NRXN3: variants seen among roughly 807,000 people sequenced by gnomAD.
NRXN3 encodes neurexin 3, also known as neurexin III.
Under a neutral mutation model 137.6 loss-of-function variants are expected in NRXN3, and 32 were observed. The ratio of observed to expected loss-of-function variants is 0.23; its 90% CI spans 0.18 to 0.31. The LOEUF is 0.31. NRXN3 is among the 10% of genes least tolerant of loss of function. The pLI, the probability that NRXN3 is intolerant of heterozygous loss-of-function variation, is 1.00. For missense variants in NRXN3, 1,574 were observed against 2,062.5 expected (o/e 0.76, Z 4.59); for synonymous variants, 798 against 784.5 (o/e 1.02, Z -0.29).
At chr14:79,207,997 A>G (rs2067049204) in intron 15 of NRXN3, among the ~76,000 whole-genome samples, 1 of 152,190 alleles carries the variant, frequency 6.6e-6, no homozygotes, top group Non-Finnish European at 1.5e-5. Context: ...CAGATGAGGA[A>G]ACTAAGAAGT....
chr14:79,375,119 T>C (rs1489559785), intron 15 of NRXN3, among the ~76,000 whole-genome samples: 1 of 152,114 alleles, frequency 6.6e-6, no homozygotes, highest in Non-Finnish European at 1.5e-5. Context: ...GGTCCAGAGA[T>C]TTAAATTACT....
rs559752892 is a variant in NRXN3 at position 79,323,228 on chromosome 14, A to G, written c.3263-143993A>G. On this transcript the variant is annotated intron_variant, in intron 15 of 20. Coordinates refer to ENST00000335750, the MANE Select transcript of NRXN3 (RefSeq NM_001330195.2). ...TTTTTATATATTTATTTTTAGTAGCAACAAGCTCTCACTATGTTGCCCAGG... is the reference window on the plus strand; with the variant it reads ...TTTTTATATATTTATTTTTAGTAGCGACAAGCTCTCACTATGTTGCCCAGG... Among the ~76,000 whole-genome samples the G allele has an allele frequency of 2.0e-5, 3 of 152,164 alleles. No individual in the cohort carries two copies. The South Asian group carries it at 6.2e-4, about 32-fold the overall frequency.
chr14:78,497,879 A>G (rs1348409848), intron 4 of NRXN3, among the ~76,000 whole-genome samples: 3 of 152,194 alleles, frequency 2.0e-5, no homozygotes, highest in Non-Finnish European at 4.4e-5. Flanking sequence ...AAGAGTTGTT[A>G]TAAGGATCAC....
Position 79,287,915 on chromosome 14 carries a change from A to T in NRXN3, c.3263-179306A>T, listed in dbSNP as rs180833119. Among the ~76,000 whole-genome samples the T allele has an allele frequency of 1.5e-3, 228 of 152,270 alleles. 2 individuals are homozygous for T. The highest frequency in any genetic ancestry group is 5.1e-3 in the African/African-American group (212 of 41,540). ...AAGCTCCTTAATACCATAGCTGGGG[A>T]AAACTTTCCTTTTCATATCTTCATC... On this transcript the variant is annotated intron_variant, in intron 15 of 20. Coordinates refer to ENST00000335750, the MANE Select transcript of NRXN3 (RefSeq NM_001330195.2).
At chr14:78,723,944 G>A (rs754745936) in intron 8 of NRXN3, among the ~76,000 whole-genome samples, 3 of 152,068 alleles carry the variant, frequency 2.0e-5, no homozygotes, top group African/African-American at 7.2e-5. Flanking sequence ...TGGTGTATTT[G>A]GAATTAAAAT....
intron 17 of NRXN3, among the ~76,000 whole-genome samples, chr14:79,675,349 T>G (rs1012951807): frequency 2.6e-5 from 4 of 152,108 alleles, no homozygotes; most frequent in Non-Finnish European, 5.9e-5. Context: ...CAGTCTGCTG[T>G]TATAATGCAA....
At chr14:79,001,085 A>G (rs2099540448) in intron 15 of NRXN3, among the ~76,000 whole-genome samples, 1 of 152,132 alleles carries the variant, frequency 6.6e-6, no homozygotes, top group Non-Finnish European at 1.5e-5. Flanking sequence ...TTGTGGCTCT[A>G]TTTCCTGAAG....
chr14:79,145,981 C>T (rs2059267475), intron 15 of NRXN3, among the ~76,000 whole-genome samples: 1 of 152,174 alleles, frequency 6.6e-6, no homozygotes, highest in Admixed American at 6.5e-5. Flanking sequence ...CAAGTTCACA[C>T]AGCTAATAAA....
At chr14:79,056,002 G>A (rs13379131) in intron 15 of NRXN3, among the ~76,000 whole-genome samples, 6,772 of 152,172 alleles carry the variant, frequency 0.045, 545 homozygotes, top group African/African-American at 0.16. Flanking sequence ...TAAAGAAGCC[G>A]AATTATATGA....
chr14:79,338,193 C>T (rs1294177261), intron 15 of NRXN3, among the ~76,000 whole-genome samples: 4 of 142,120 alleles, frequency 2.8e-5, no homozygotes, highest in African/African-American at 5.5e-5. Context: ...CCCAGGCAGC[C>T]GGGGTGTGTG....
intron 19 of NRXN3, among the ~76,000 whole-genome samples, chr14:79,719,876 AAAAT>A (rs2098838191): frequency 6.6e-6 from 1 of 152,118 alleles, no homozygotes; most frequent in Non-Finnish European, 1.5e-5. Flanking sequence ...TTTTGAGTCA[AAAAT>A]AAATTTATGT....
intron 16 of NRXN3, among the ~76,000 whole-genome samples, chr14:79,579,364 AT>A (rs562149878): frequency 0.019 from 2,761 of 147,386 alleles, 93 homozygotes; most frequent in African/African-American, 0.065. Context: ...ATATATATAT[AT>A]ATAATATATA....
chr14:78,932,279 C>G (rs2099324349), intron 10 of NRXN3, among the ~76,000 whole-genome samples: 1 of 152,080 alleles, frequency 6.6e-6, no homozygotes, highest in African/African-American at 2.4e-5. Flanking sequence ...GCAGTCAGCA[C>G]TTTGATCAGG....
At chr14:79,800,082 A>G (rs904799039) in intron 19 of NRXN3, among the ~76,000 whole-genome samples, 33 of 152,216 alleles carry the variant, frequency 2.2e-4, no homozygotes, top group Non-Finnish European at 3.4e-4. Context: ...GCTTCCTTGA[A>G]TAACTTATAG....
chr14:79,382,638 G>A (rs1291496567), intron 15 of NRXN3, among the ~76,000 whole-genome samples: 1 of 152,062 alleles, frequency 6.6e-6, no homozygotes, highest in East Asian at 1.9e-4. Flanking sequence ...GGATATATAA[G>A]ATATAGATAC....
At chr14:79,858,144 CTTTT>C (rs561232071) in intron 20 of NRXN3, among the ~76,000 whole-genome samples, 2 of 141,062 alleles carry the variant, frequency 1.4e-5, no homozygotes, top group African/African-American at 5.2e-5. Context: ...TGTGGTTACT[CTTTT>C]TTTTTTTTTT....
At chr14:78,623,564 T>G (rs577322667) in intron 4 of NRXN3, among the ~76,000 whole-genome samples, 62 of 152,198 alleles carry the variant, frequency 4.1e-4, no homozygotes, top group African/African-American at 1.4e-3. Flanking sequence ...ATTCATTTAT[T>G]TTATTTTATT....
intron 15 of NRXN3, among the ~76,000 whole-genome samples, chr14:79,271,920 G>A (rs148634286): frequency 1.3e-3 from 204 of 152,318 alleles, no homozygotes; most frequent in Non-Finnish European, 1.7e-3. Context: ...AGGTAGAGAT[G>A]ATTCATAGTT....
intron 15 of NRXN3, among the ~76,000 whole-genome samples, chr14:79,195,795 G>A (rs951038583): frequency 2.0e-5 from 3 of 152,144 alleles, no homozygotes; most frequent in African/African-American, 7.2e-5. Context: ...AAATTCCTTT[G>A]GCAGATCTAT....
Sources: gnomAD v4.1 joint callset for allele counts (sites outside exome capture counted in the v4.1 genomes callset) on GRCh38, gnomAD v4.1.1 for gene constraint, MANE v1.5 for transcripts, NCBI Gene and HGNC (gene_info 2026-07-23, HGNC 2026-07-21) for gene names.